KDM4B: variants seen among roughly 807,000 people sequenced by gnomAD.
The protein encoded by KDM4B is lysine-specific demethylase 4B.
A neutral mutation model predicts 125.2 loss-of-function variants in KDM4B; 32 were observed. The ratio of observed to expected loss-of-function variants is 0.26; its 90% CI spans 0.19 to 0.34. The LOEUF (loss-of-function observed/expected upper bound fraction) is 0.34, where lower values mean the gene tolerates loss of function less well. KDM4B is among the 10% of genes least tolerant of loss of function. The pLI is 1.00. For synonymous variants in KDM4B, 721 were observed against 677.9 expected, an observed-to-expected ratio of 1.06 and a Z score of -0.99; for missense variants, 1,190 against 1,577.7, an observed-to-expected ratio of 0.75 and a Z score of 4.16.
chr19:4,975,696 G>A (rs561833287), intron 1 of KDM4B, among the ~76,000 whole-genome samples: 10 of 151,376 alleles, frequency 6.6e-5, no homozygotes, highest in Non-Finnish European at 1.2e-4. Context: ...GGATTCAAGC[G>A]ATTCTCCTAC....
rs1225290764 is a variant in KDM4B at position 5,057,676 on chromosome 19, C to T, written c.626+10007C>T. 1.1e-4 allele frequency among the ~76,000 whole-genome samples: 16 copies of T among 152,300 alleles called. 1 individual carries two copies. The highest frequency in any genetic ancestry group is 9.1e-4 in the Admixed American group (14 of 15,302). On this transcript the variant is annotated intron_variant, in intron 6 of 22. Coordinates refer to ENST00000159111, the MANE Select transcript of KDM4B (RefSeq NM_015015.3). Reference sequence around the variant, plus strand: ...ACGGACGAGGCACAGATTGAAGAGACGTCCGATCTGCCCTTGAAGCGCTGC... The same window carrying T: ...ACGGACGAGGCACAGATTGAAGAGATGTCCGATCTGCCCTTGAAGCGCTGC...
chr19:5,041,961 C>T (rs754123487), intron 5 of KDM4B, among the ~76,000 whole-genome samples: 9 of 152,160 alleles, frequency 5.9e-5, no homozygotes, highest in Non-Finnish European at 1.2e-4. Flanking sequence ...GAGCCGAGGG[C>T]GCCGGTTTAT....
intron 1 of KDM4B, among the ~76,000 whole-genome samples, chr19:4,996,836 C>T (rs762523343): frequency 4.6e-5 from 7 of 152,166 alleles, no homozygotes; most frequent in Non-Finnish European, 8.8e-5. Context: ...TTCTCAAATT[C>T]GGCACTCTTG....
intron 13 of KDM4B, among the ~76,000 whole-genome samples, chr19:5,132,607 C>T (rs1188849769): frequency 2.0e-5 from 3 of 152,014 alleles, no homozygotes; most frequent in Admixed American, 6.6e-5. Context: ...GTGGAGGAAT[C>T]GGCACGGGGA....
intron 10 of KDM4B, among the ~76,000 whole-genome samples, 162 bp from the exon 11 acceptor site, chr19:5,119,491 C>T (rs1479294680): frequency 2.0e-5 from 3 of 152,236 alleles, no homozygotes; most frequent in Non-Finnish European, 4.4e-5. Context: ...CAGAACCCCA[C>T]CCAGGGTTCC....
At chr19:5,060,700 G>A (rs1003587716) in intron 6 of KDM4B, among the ~76,000 whole-genome samples, 10 of 152,272 alleles carry the variant, frequency 6.6e-5, no homozygotes, top group African/African-American at 1.9e-4. Context: ...CGGCAGGCAC[G>A]TGAGGGAGGT....
At chr19:5,089,566 G>T (rs1487521395) in intron 9 of KDM4B, among the ~76,000 whole-genome samples, 1 of 152,054 alleles carries the variant, frequency 6.6e-6, no homozygotes, top group East Asian at 1.9e-4. Context: ...CCCGTTTTTT[G>T]TGGGGATGTG....
At chr19:5,021,679 A>G (rs1023219904) in intron 2 of KDM4B, among the ~76,000 whole-genome samples, 1 of 137,370 alleles carries the variant, frequency 7.3e-6, no homozygotes, top group Non-Finnish European at 1.5e-5. Context: ...CTCTGTTGCC[A>G]GACTGGAGTG....
In KDM4B at chr19:5,081,632, G is replaced by C. The variant is rs1452242399; in HGVS notation, c.781-735G>C. Among the ~76,000 whole-genome samples the C allele has an allele frequency of 3.3e-5, 5 of 152,186 alleles. No homozygotes were observed. Among genetic ancestry groups the C allele is most frequent in the Non-Finnish European group, 7.4e-5 (5 of 68,022 alleles). Reference sequence around the variant, plus strand: ...AACATCCGAATTGGACCTGGGTCTGGAAGCATTGGCCCGCTCTCCAGGGTG... The same window carrying C: ...AACATCCGAATTGGACCTGGGTCTGCAAGCATTGGCCCGCTCTCCAGGGTG... On this transcript the variant is annotated intron_variant, in intron 8 of 22. Coordinates refer to ENST00000159111, the MANE Select transcript of KDM4B (RefSeq NM_015015.3). This position sits in a 1 kb window ranked among gnomAD's most constrained non-coding sequence, Gnocchi z 4.2.
At chr19:5,046,779 G>A (rs1458187944) in intron 5 of KDM4B, among the ~76,000 whole-genome samples, 4 of 152,212 alleles carry the variant, frequency 2.6e-5, no homozygotes, top group Admixed American at 6.5e-5. Context: ...CGGTACCATC[G>A]CTGGGTTAGC....
intron 9 of KDM4B, among the ~76,000 whole-genome samples, chr19:5,100,313 A>G (rs757412136): frequency 4.6e-5 from 7 of 152,038 alleles, no homozygotes; most frequent in Non-Finnish European, 1.0e-4. Context: ...TCTTGTTTCT[A>G]TTTCAAACTC....
At chr19:4,988,466 G>A (rs946950655) in intron 1 of KDM4B, among the ~76,000 whole-genome samples, 11 of 151,912 alleles carry the variant, frequency 7.2e-5, no homozygotes, top group Non-Finnish European at 1.2e-4. Flanking sequence ...TAGTAGAGAC[G>A]GGGTTTCACC....
chr19:5,006,330 A>G (rs2035558522), intron 1 of KDM4B, among the ~76,000 whole-genome samples: 1 of 152,014 alleles, frequency 6.6e-6, no homozygotes, highest in Non-Finnish European at 1.5e-5. Context: ...CCCGCAGCCC[A>G]CGGCCATTCT....
intron 1 of KDM4B, among the ~76,000 whole-genome samples, chr19:5,014,126 C>T (rs1020685988): frequency 6.6e-6 from 1 of 152,244 alleles, no homozygotes; most frequent in African/African-American, 2.4e-5. Context: ...TCATTGCGTG[C>T]TCTAGGGCAT....
intron 16 of KDM4B, 63 bp downstream of exon 16, chr19:5,137,401 T>TG (rs2039667943): frequency 6.8e-7 from 1 of 1,465,306 alleles, no homozygotes; most frequent in Non-Finnish European, 9.3e-7. Context: ...CCCACTCCAG[T>TG]GGGGTGACTT....
At position 5,114,095 on chromosome 19, in the gene KDM4B, G is replaced by T. The variant is rs141297226; in HGVS notation, c.1115+3277G>T. 1.6e-6 allele frequency: 2 copies of T among 1,289,440 alleles called. No homozygotes were observed. Among genetic ancestry groups the T allele is most frequent in the South Asian group, 1.2e-5 (1 of 81,010 alleles). The allele number at this position is 1,289,440 out of a possible 1,614,324, so 79.9% of individuals were successfully genotyped here. A position where few individuals can be genotyped will look rare whatever the true frequency, so the allele number is the denominator to read the frequency against. ...GGGTGCCCTCAGCCTCCCCACTCCC[G>T]GTGGCGCTGTGCGTTCTGGTGCCCT... On this transcript the variant is annotated intron_variant, in intron 10 of 22. Coordinates refer to ENST00000159111, the MANE Select transcript of KDM4B (RefSeq NM_015015.3). This position sits in a 1 kb window ranked among gnomAD's most constrained non-coding sequence, Gnocchi z 5.8.
At chr19:5,044,456 C>T (rs898216028) in intron 5 of KDM4B, among the ~76,000 whole-genome samples, 4 of 152,148 alleles carry the variant, frequency 2.6e-5, no homozygotes, top group Non-Finnish European at 5.9e-5. Flanking sequence ...CCTTATCCCG[C>T]GCAGTGTTGA....
chr19:5,133,549 G>A (rs1243186793), intron 13 of KDM4B, among the ~76,000 whole-genome samples: 3 of 152,238 alleles, frequency 2.0e-5, no homozygotes, highest in East Asian at 1.9e-4. Flanking sequence ...AAGGCCCTGG[G>A]TGAGTGGACG....
intron 9 of KDM4B, among the ~76,000 whole-genome samples, chr19:5,102,392 G>C (rs962941961): frequency 6.6e-6 from 1 of 152,180 alleles, no homozygotes; most frequent in Admixed American, 6.5e-5. Flanking sequence ...GGTGTTGCCT[G>C]GCAGGGAGTG....
Sources: gnomAD v4.1 joint callset for allele counts (sites outside exome capture counted in the v4.1 genomes callset) on GRCh38, gnomAD v4.1.1 for gene constraint, Gnocchi (gnomAD v3.1) non-coding constraint, MANE v1.5 for transcripts, NCBI Gene and HGNC (gene_info 2026-07-23, HGNC 2026-07-21) for gene names.